The following TRIM49 variants were observed in gnomAD, a reference collection of about 807,000 sequenced individuals.
TRIM49 encodes tripartite motif containing 49, also known as tripartite motif-containing protein 49.
A neutral mutation model predicts 27.4 loss-of-function variants in TRIM49; 5 were observed. The ratio of observed to expected loss-of-function variants is 0.18; its 90% CI spans 0.10 to 0.38. TRIM49 has a LOEUF of 0.38. Ranked by LOEUF, TRIM49 falls within the 10% of genes least tolerant of loss-of-function variation. The probability of loss-of-function intolerance (pLI) is 1.00; values close to 1 mark genes in which losing one functional copy is unlikely to be tolerated. For missense variants in TRIM49, 188 were observed against 487.5 expected (o/e 0.39, Z 5.79); for synonymous variants, 69 against 166.0 (o/e 0.42, Z 4.49).
the TRIM49 span, chr11:89,777,250 A>G: frequency 6.5e-7 from 1 of 1,548,482 alleles, no homozygotes; most frequent in Non-Finnish European, 8.7e-7. Flanking sequence ...CTCAGACAAT[A>G]TCTGTGTGCT....
At chr11:89,783,705 A>G in the TRIM49 span, among the ~76,000 whole-genome samples, 15 of 146,842 alleles carry the variant, frequency 1.0e-4, 2 homozygotes, top group Non-Finnish European at 1.6e-4. Flanking sequence ...TACACTTTAA[A>G]TAAGAATCCA....
the TRIM49 span, among the ~76,000 whole-genome samples, chr11:89,785,012 C>T: frequency 6.7e-6 from 1 of 150,114 alleles, no homozygotes; most frequent in Admixed American, 6.6e-5. Context: ...AGAGAGATCA[C>T]TAAGAACATT....
At chr11:89,805,758 C>G (rs1481857929) in intron 2 of TRIM49, among the ~76,000 whole-genome samples, 4 of 148,282 alleles carry the variant, frequency 2.7e-5, no homozygotes, top group African/African-American at 5.1e-5. Flanking sequence ...CCTTCTGTCA[C>G]GCAGGCTGAA....
chr11:89,772,704 A>C, the TRIM49 span, among the ~76,000 whole-genome samples: 1 of 134,356 alleles, frequency 7.4e-6, no homozygotes, highest in Non-Finnish European at 1.5e-5. Context: ...CAGTAGCATA[A>C]CAATTGACAC....
At position 89,801,161 on chromosome 11, in the gene TRIM49, TATTA is replaced by T. The variant is rs1029057545; in HGVS notation, c.739-177_739-174del. Among the ~76,000 whole-genome samples, 21 of 150,200 alleles carry T rather than the reference TATTA, an allele frequency of 1.4e-4. 1 individual carries two copies. Among genetic ancestry groups the T allele is most frequent in the Admixed American group, 9.2e-4 (14 of 15,200 alleles). ...AGAAAAACCCAGTCAGTTGTATTGT[TATTA>T]ATTAACGTCCTGGGAAAGTCTGAGT... On this transcript the variant is annotated intron_variant, in intron 5 of 7. Coordinates refer to ENST00000329758, the MANE Select transcript of TRIM49 (RefSeq NM_020358.2).
At chr11:89,803,626 A>C in intron 4 of TRIM49, 72 bp downstream of exon 4, 1 of 854,940 alleles carries the variant, frequency 1.2e-6, no homozygotes, top group Non-Finnish European at 1.8e-6. Context: ...TTTGATATCA[A>C]GTTCCTATTT....
chr11:89,796,375 G>A (rs1949689102), downstream of TRIM49, among the ~76,000 whole-genome samples: 2 of 147,054 alleles, frequency 1.4e-5, no homozygotes, highest in South Asian at 4.2e-4. Flanking sequence ...TGGGACTATA[G>A]CATGTGCCAT....
chr11:89,793,245 C>T (rs1949667160), downstream of TRIM49, among the ~76,000 whole-genome samples: 1 of 152,048 alleles, frequency 6.6e-6, no homozygotes, highest in African/African-American at 2.4e-5. Flanking sequence ...TAATTATGAG[C>T]CTACAAACCA....
At chr11:89,780,192 A>G in the TRIM49 span, among the ~76,000 whole-genome samples, 1,901 of 96,066 alleles carry the variant, frequency 0.02, 315 homozygotes, top group African/African-American at 0.066. Context: ...AGACCTCAGG[A>G]AAATGGTTAC....
At chr11:89,775,583 T>A in the TRIM49 span, among the ~76,000 whole-genome samples, 1 of 131,040 alleles carries the variant, frequency 7.6e-6, no homozygotes, top group Admixed American at 7.3e-5. Flanking sequence ...TCACTTTTTT[T>A]GTTGTTATTT....
the TRIM49 span, among the ~76,000 whole-genome samples, chr11:89,783,740 T>A: frequency 6.8e-6 from 1 of 146,994 alleles, no homozygotes; most frequent in South Asian, 2.1e-4. Flanking sequence ...GAAAATTCTA[T>A]AATAGAATGT....
the TRIM49 span, among the ~76,000 whole-genome samples, chr11:89,777,675 T>C: frequency 1.3e-5 from 2 of 150,860 alleles, no homozygotes. Context: ...AAAGTCAGGT[T>C]ATGTAAAAGC....
At chr11:89,804,888 G>A (rs1046553063) in intron 2 of TRIM49, among the ~76,000 whole-genome samples, 3 of 149,622 alleles carry the variant, frequency 2.0e-5, no homozygotes, top group East Asian at 2.0e-4. Flanking sequence ...ATGAGAAGAT[G>A]GCCAAAGAAA....
At chr11:89,792,865 G>A (rs1452721154), downstream of TRIM49, among the ~76,000 whole-genome samples, 2 of 152,080 alleles carry the variant, frequency 1.3e-5, no homozygotes, top group African/African-American at 2.4e-5. Flanking sequence ...ACATTCAAAA[G>A]CTAGCAGAAG....
chr11:89,800,723 A>G (rs1949728473), intron 6 of TRIM49, among the ~76,000 whole-genome samples: 1 of 150,690 alleles, frequency 6.6e-6, no homozygotes, highest in South Asian at 2.1e-4. Context: ...AGCCTGGGCG[A>G]CAGAGCCAGA....
At chr11:89,782,168 A>G in the TRIM49 span, 1 of 1,549,750 alleles carries the variant, frequency 6.5e-7, no homozygotes, top group African/African-American at 1.4e-5. Flanking sequence ...AATTTCCTCA[A>G]AGAGGAGCAA....
chr11:89,791,163 G>A, the TRIM49 span, among the ~76,000 whole-genome samples: 1,668 of 151,434 alleles, frequency 0.011, 14 homozygotes, highest in Middle Eastern at 0.034. Context: ...AAGAACAAAT[G>A]AATGAAATGA....
At chr11:89,776,745 G>C in the TRIM49 span, among the ~76,000 whole-genome samples, 1 of 151,994 alleles carries the variant, frequency 6.6e-6, no homozygotes, top group Non-Finnish European at 1.5e-5. Context: ...TTAGGATCTT[G>C]GTATGTCAGG....
chr11:89,783,940 T>C, the TRIM49 span, among the ~76,000 whole-genome samples: 2 of 143,882 alleles, frequency 1.4e-5, no homozygotes, highest in Admixed American at 1.4e-4. Context: ...CCATGTCCCA[T>C]GCAGCAGGAA....
Sources: allele counts gnomAD v4.1 joint callset (sites outside exome capture counted in the v4.1 genomes callset), GRCh38; gene constraint gnomAD v4.1.1; transcripts MANE v1.5; gene names NCBI Gene and HGNC (gene_info 2026-07-23, HGNC 2026-07-21).